The following WDR59 variants were observed in gnomAD, a reference collection of about 807,000 sequenced individuals.
WDR59 encodes WD repeat domain 59.
In WDR59, 100 loss-of-function variants were observed where a neutral mutation model predicts 131.2. The observed-to-expected ratio is 0.76, with a 90% CI of 0.65 to 0.90. WDR59 has a LOEUF of 0.90. Among genes scored for constraint, WDR59 ranks in the 40% least tolerant of loss-of-function variants. The pLI, the probability that WDR59 is intolerant of heterozygous loss-of-function variation, is 0.00. For missense variants in WDR59, 1,203 were observed against 1,262.2 expected (o/e 0.95, Z 0.71); for synonymous variants, 601 against 466.2 (o/e 1.29, Z -3.72).
chr16:74,980,967 A>T (rs1161906210), intron 1 of WDR59, among the ~76,000 whole-genome samples: 1 of 151,526 alleles, frequency 6.6e-6, no homozygotes, highest in Non-Finnish European at 1.5e-5. Flanking sequence ...TCCATCTCAA[A>T]AATAAAAAAA....
chr16:74,924,123 T>C (rs2030540369), intron 8 of WDR59, 120 bp from the exon 9 acceptor site: 1 of 962,650 alleles, frequency 1.0e-6, no homozygotes, highest in Non-Finnish European at 1.6e-6. Flanking sequence ...CAACAACATA[T>C]TTTTAGTTCA....
intron 14 of WDR59, among the ~76,000 whole-genome samples, chr16:74,911,575 G>A (rs1966093628): frequency 6.6e-6 from 1 of 152,158 alleles, no homozygotes; most frequent in East Asian, 1.9e-4. Flanking sequence ...TTAAATCTCT[G>A]AATCTGCAGA....
At chr16:74,875,934 T>C (rs1425744153) in intron 25 of WDR59, among the ~76,000 whole-genome samples, 1 of 152,082 alleles carries the variant, frequency 6.6e-6, no homozygotes, top group Non-Finnish European at 1.5e-5. Flanking sequence ...TTCCCTTCTG[T>C]CCCCGAGATG....
At chr16:74,914,727 G>A (rs8060291) in intron 13 of WDR59, among the ~76,000 whole-genome samples, 40,789 of 151,782 alleles carry the variant, frequency 0.27, 5,684 homozygotes, top group African/African-American at 0.32. Flanking sequence ...GTGAATAGCC[G>A]GGACTACAGG....
At chr16:74,899,733 G>A (rs1414332190) in intron 18 of WDR59, 9 of 1,289,016 alleles carry the variant, frequency 7.0e-6, no homozygotes, top group Admixed American at 2.3e-5. Flanking sequence ...GACCAACGCC[G>A]CCGGGCAGAG....
chr16:74,900,488 A>G (rs1187022321), intron 18 of WDR59, among the ~76,000 whole-genome samples: 1 of 152,216 alleles, frequency 6.6e-6, no homozygotes, highest in Non-Finnish European at 1.5e-5. Flanking sequence ...AAACTAAAGC[A>G]AGAGTGGGAG....
chr16:74,890,539 T>C (rs1964988221), intron 20 of WDR59, among the ~76,000 whole-genome samples: 1 of 152,184 alleles, frequency 6.6e-6, no homozygotes, highest in Non-Finnish European at 1.5e-5. Flanking sequence ...TTAAGATCTG[T>C]CCCTCTTTTC....
chr16:74,937,963 G>A (rs1029134582), intron 8 of WDR59, among the ~76,000 whole-genome samples, 187 bp downstream of exon 8: 4 of 152,254 alleles, frequency 2.6e-5, no homozygotes, highest in Non-Finnish European at 4.4e-5. Flanking sequence ...GCACCATGCT[G>A]GGTCTCGCTC....
At chr16:74,903,520 A>T (rs1453476662) in intron 18 of WDR59, among the ~76,000 whole-genome samples, 1 of 152,106 alleles carries the variant, frequency 6.6e-6, no homozygotes, top group Admixed American at 6.6e-5. Flanking sequence ...CCTTTCAGAC[A>T]TTAACTTTAA....
intron 18 of WDR59, among the ~76,000 whole-genome samples, chr16:74,898,022 T>C (rs1373163377): frequency 6.6e-6 from 1 of 152,178 alleles, no homozygotes; most frequent in East Asian, 1.9e-4. Flanking sequence ...GATGGACATC[T>C]TTTCAGGGTA....
intron 1 of WDR59, among the ~76,000 whole-genome samples, chr16:74,977,386 T>A (rs1471463154): frequency 6.6e-6 from 1 of 152,158 alleles, no homozygotes. Context: ...CTCTTCTTAA[T>A]CTATAAGAAA....
chr16:74,957,422 G>GCTC, intron 2 of WDR59, among the ~76,000 whole-genome samples: 1 of 152,058 alleles, frequency 6.6e-6, no homozygotes, highest in East Asian at 1.9e-4. Flanking sequence ...CAGGCTCAGT[G>GCTC]CTCTGCACTC....
At chr16:74,948,268 C>T (rs2032771642) in intron 6 of WDR59, among the ~76,000 whole-genome samples, 1 of 152,212 alleles carries the variant, frequency 6.6e-6, no homozygotes, top group African/African-American at 2.4e-5. Flanking sequence ...CATCTTGGCT[C>T]TTGTCCTTGG....
At chr16:74,955,201 T>A (rs1413446857) in intron 3 of WDR59, among the ~76,000 whole-genome samples, 2 of 152,220 alleles carry the variant, frequency 1.3e-5, no homozygotes, top group Non-Finnish European at 2.9e-5. Context: ...GGCGTCAGCC[T>A]AAACCCAATC....
chr16:74,928,197 C>T (rs1258295815), intron 8 of WDR59, among the ~76,000 whole-genome samples: 1 of 132,362 alleles, frequency 7.6e-6, no homozygotes, highest in African/African-American at 2.8e-5. Flanking sequence ...TGAGCCACTG[C>T]ATCCAGGTTT....
At chr16:74,897,095 C>A (rs1289216062) in intron 18 of WDR59, among the ~76,000 whole-genome samples, 1 of 152,222 alleles carries the variant, frequency 6.6e-6, no homozygotes, top group African/African-American at 2.4e-5. Context: ...TCCATTTCTG[C>A]ATGAAGGAGA....
chr16:74,877,620 C>A (rs890976754), intron 25 of WDR59, among the ~76,000 whole-genome samples: 6 of 152,218 alleles, frequency 3.9e-5, no homozygotes, highest in Admixed American at 2.0e-4. Flanking sequence ...TCTCAGCTCA[C>A]TGCAACCTCC....
chr16:74,970,091 TTTTTTGTA>T (rs1382560927), intron 1 of WDR59, among the ~76,000 whole-genome samples: 1 of 152,088 alleles, frequency 6.6e-6, no homozygotes, highest in Non-Finnish European at 1.5e-5. Flanking sequence ...ACCCAGCTAA[TTTTTTGTA>T]TTTTTGGTAG....
chr16:74,878,715 C>A (rs528815214), intron 25 of WDR59, among the ~76,000 whole-genome samples: 2 of 152,282 alleles, frequency 1.3e-5, no homozygotes, highest in South Asian at 4.1e-4. Context: ...TTGGCAATAA[C>A]CTTACAAACA....
Sources: allele counts gnomAD v4.1 joint callset (sites outside exome capture counted in the v4.1 genomes callset), GRCh38; gene constraint gnomAD v4.1.1; transcripts MANE v1.5; gene names NCBI Gene and HGNC (gene_info 2026-07-23, HGNC 2026-07-21).